Variants in MTUS2 observed in about 807,000 individuals in gnomAD.
MTUS2 encodes the protein microtubule associated scaffold protein 2.
In MTUS2, 40 loss-of-function variants were observed where a neutral mutation model predicts 114.1. The observed-to-expected ratio is 0.35, with a 90% CI of 0.27 to 0.46. The LOEUF (loss-of-function observed/expected upper bound fraction) is 0.46, where lower values mean the gene tolerates loss of function less well. Ranked by LOEUF, MTUS2 falls within the 20% of genes least tolerant of loss-of-function variation. The pLI is 1.00. For missense variants in MTUS2, 1,679 were observed against 1,705.4 expected (o/e 0.98, Z 0.27); for synonymous variants, 688 against 672.0 (o/e 1.02, Z -0.37).
chr13:29,128,170 G>A (rs1891599157), intron 5 of MTUS2, among the ~76,000 whole-genome samples: 1 of 152,214 alleles, frequency 6.6e-6, no homozygotes, highest in South Asian at 2.1e-4. Flanking sequence ...ATTTGTAGAG[G>A]CATGACACAT....
At position 29,241,394 on chromosome 13, in the gene MTUS2, T is replaced by C. The variant is rs76556670; in HGVS notation, c.2645-40310T>C. Among the ~76,000 whole-genome samples, 274 of 152,350 alleles carry C rather than the reference T, an allele frequency of 1.8e-3. 1 individual carries two copies. The highest frequency in any genetic ancestry group is 0.017 in the Middle Eastern group (5 of 294). ...TATATTATTTATAAGGAGGTATTCA[T>C]TTATTTACTTGCGTAGTACCTTTTT... On this transcript the variant is annotated intron_variant, in intron 5 of 15. Transcript: ENST00000612955.
chr13:29,455,892 G>A (rs1201153482), intron 9 of MTUS2, among the ~76,000 whole-genome samples: 4 of 152,060 alleles, frequency 2.6e-5, no homozygotes, highest in African/African-American at 9.7e-5. Context: ...GAGGTGGAAG[G>A]ATTGCTGGAG....
chr13:29,147,370 T>C (rs1207021574), intron 5 of MTUS2, among the ~76,000 whole-genome samples: 1 of 152,198 alleles, frequency 6.6e-6, no homozygotes, highest in Non-Finnish European at 1.5e-5. Context: ...CCTGTATTCA[T>C]GGTCATAGAT....
intron 2 of MTUS2, among the ~76,000 whole-genome samples, chr13:28,856,841 TTTG>T (rs1219944295): frequency 6.6e-6 from 1 of 152,212 alleles, no homozygotes; most frequent in Admixed American, 6.5e-5. Context: ...TTGCTGTGAT[TTTG>T]TTAAGTTGCA....
chr13:29,176,992 T>A (rs998305669), intron 5 of MTUS2, among the ~76,000 whole-genome samples: 26 of 151,082 alleles, frequency 1.7e-4, no homozygotes, highest in Admixed American at 1.4e-3. Context: ...TTTTGAGGTT[T>A]CTTCCATGCC....
At chr13:29,376,727 G>A (rs78763762) in intron 8 of MTUS2, among the ~76,000 whole-genome samples, 4,898 of 152,150 alleles carry the variant, frequency 0.032, 261 homozygotes, top group African/African-American at 0.11. Context: ...TTTGTAAAAT[G>A]TTATATAGTA....
chr13:29,497,333 G>A lies in MTUS2; in HGVS notation c.3675G>A (p.Leu1225=). ...EALRKNTEEQ[L]EIALAPYQHL... ...TGAGGAAGAACACAGAGGAGCAGCTGGAGGTCGTTTCTGGATTCCAGGCTT... is the reference window on the plus strand; with the variant it reads ...TGAGGAAGAACACAGAGGAGCAGCTAGAGGTCGTTTCTGGATTCCAGGCTT... The change falls in exon 13 of 16, where the codon CTG becomes CTA. Residue 1225 remains leucine (L), a synonymous_variant. Transcript: ENST00000612955. The A allele has an allele frequency of 1.2e-6, 2 of 1,610,404 alleles. No homozygotes were observed. Among genetic ancestry groups the A allele is most frequent in the Non-Finnish European group, 1.7e-6 (2 of 1,179,146 alleles).
chr13:29,207,290 G>A (rs1895230143), intron 5 of MTUS2, among the ~76,000 whole-genome samples: 1 of 152,218 alleles, frequency 6.6e-6, no homozygotes, highest in Non-Finnish European at 1.5e-5. Context: ...TTGTGAAACT[G>A]CTGAATTCAT....
At chr13:29,309,509 T>C (rs1899650088) in intron 6 of MTUS2, among the ~76,000 whole-genome samples, 1 of 152,104 alleles carries the variant, frequency 6.6e-6, no homozygotes, top group Admixed American at 6.6e-5. Flanking sequence ...TGGGATGGTT[T>C]GTGCAGCAAA....
chr13:28,890,398 T>G (rs1439392120), intron 2 of MTUS2, among the ~76,000 whole-genome samples: 1 of 152,176 alleles, frequency 6.6e-6, no homozygotes, highest in African/African-American at 2.4e-5. Flanking sequence ...CCAGACTACC[T>G]GGGTTCAAAT....
rs146699444 is a variant in MTUS2 at position 28,905,941 on chromosome 13, T to C, written c.-243+66091T>C. ...TTGCCACAATTTCAGAGCCTGTTAT[T>C]GGTCTATTCAGAGATGCAACTTCTT... is the stretch of plus-strand genomic sequence containing the variant. On this transcript the variant is annotated intron_variant, in intron 2 of 15. Transcript: ENST00000612955. 1.1e-4 allele frequency among the ~76,000 whole-genome samples: 17 copies of C among 151,790 alleles called. No individual in the cohort carries two copies. In the East Asian group the frequency reaches 2.3e-3, roughly 21 times the overall value.
At chr13:29,382,202 G>GATCCA (rs1872264652) in intron 8 of MTUS2, among the ~76,000 whole-genome samples, 1 of 152,196 alleles carries the variant, frequency 6.6e-6, no homozygotes, top group African/African-American at 2.4e-5. Context: ...ATGGTTGACA[G>GATCCA]GTCGGGCCTT....
intron 8 of MTUS2, among the ~76,000 whole-genome samples, chr13:29,372,680 A>G (rs1046606307): frequency 6.6e-6 from 1 of 152,208 alleles, no homozygotes; most frequent in Non-Finnish European, 1.5e-5. Flanking sequence ...CATACCTAAG[A>G]TAACCCAAAT....
chr13:29,497,050 G>A (rs192541497), intron 12 of MTUS2, among the ~76,000 whole-genome samples, 188 bp from the exon 13 acceptor site: 490 of 152,224 alleles, frequency 3.2e-3, no homozygotes, highest in Admixed American at 4.3e-3. Context: ...GAGGGCAGGC[G>A]TTGGGGGAAA....
At chr13:29,461,351 G>A (rs1428529863) in intron 9 of MTUS2, among the ~76,000 whole-genome samples, 1 of 152,128 alleles carries the variant, frequency 6.6e-6, no homozygotes, top group African/African-American at 2.4e-5. Flanking sequence ...TGTTGCATTG[G>A]GGATTAAGCT....
intron 4 of MTUS2, among the ~76,000 whole-genome samples, chr13:29,052,459 C>CAAAAAAAAA (rs11325314): frequency 3.2e-5 from 3 of 94,858 alleles, no homozygotes; most frequent in African/African-American, 8.2e-5. Context: ...CTAGCCTGAG[C>CAAAAAAAAA]AAAAAAAAAA....
chr13:29,404,499 AT>A (rs1874606682), intron 8 of MTUS2, among the ~76,000 whole-genome samples: 1 of 152,084 alleles, frequency 6.6e-6, no homozygotes, highest in Non-Finnish European at 1.5e-5. Context: ...TTGACTTGAG[AT>A]TCAAGACCAG....
chr13:29,015,299 T>C (rs1285106396), intron 2 of MTUS2, among the ~76,000 whole-genome samples: 1 of 152,158 alleles, frequency 6.6e-6, no homozygotes, highest in South Asian at 2.1e-4. Context: ...ATTTGAATGA[T>C]GGTCATTCTA....
At chr13:29,468,950 T>C (rs1880076791) in intron 9 of MTUS2, among the ~76,000 whole-genome samples, 1 of 152,118 alleles carries the variant, frequency 6.6e-6, no homozygotes, top group Non-Finnish European at 1.5e-5. Flanking sequence ...GAAATTATAA[T>C]AAAAACTGGT....
Sources: gnomAD v4.1 joint callset for allele counts (sites outside exome capture counted in the v4.1 genomes callset) on GRCh38, gnomAD v4.1.1 for gene constraint, MANE v1.5 for transcripts, NCBI Gene and HGNC (gene_info 2026-07-23, HGNC 2026-07-21) for gene names.